MYO9B: variants seen among roughly 807,000 people sequenced by gnomAD.
The protein encoded by MYO9B is myosin IXB.
A neutral mutation model predicts 229.5 loss-of-function variants in MYO9B; 71 were observed. That is an observed-to-expected ratio of 0.31 (90% CI 0.26 to 0.38). The LOEUF (loss-of-function observed/expected upper bound fraction) is 0.38, where lower values mean the gene tolerates loss of function less well. Among genes scored for constraint, MYO9B ranks in the 10% least tolerant of loss-of-function variants. The pLI is 1.00. For missense variants in MYO9B, 2,255 were observed against 2,920.5 expected, an observed-to-expected ratio of 0.77 and a Z score of 5.25; for synonymous variants, 1,185 against 1,235.8, an observed-to-expected ratio of 0.96 and a Z score of 0.86.
Position 17,193,950 on chromosome 19 carries a change from A to C in MYO9B, c.3129-606A>C, listed in dbSNP as rs896170071. ...CACTTTGGGAGGCCAAGGCAGGCAG[A>C]TCACATGAGGCCAGGAGTTGGAGAC... On this transcript the variant is annotated intron_variant, in intron 21 of 39. Transcript: ENST00000682292. This position sits in a 1 kb window ranked among gnomAD's most constrained non-coding sequence, Gnocchi z 4.3. Among the ~76,000 whole-genome samples, 1 of 152,146 alleles carries C rather than the reference A, an allele frequency of 6.6e-6. No individual in the cohort carries two copies. Among genetic ancestry groups the C allele is most frequent in the Non-Finnish European group, 1.5e-5 (1 of 68,026 alleles).
At chr19:17,115,575 TCTC>T (rs1300172694) in intron 2 of MYO9B, among the ~76,000 whole-genome samples, 5 of 151,178 alleles carry the variant, frequency 3.3e-5, no homozygotes, top group East Asian at 1.9e-4. Flanking sequence ...TTCAAGCAAT[TCTC>T]CTGCTTCAGC....
At chr19:17,200,854 G>C in intron 26 of MYO9B, 25 bp downstream of exon 26, 1 of 1,608,160 alleles carries the variant, frequency 6.2e-7, no homozygotes, top group Middle Eastern at 1.7e-4. Flanking sequence ...CGAGGGCCAG[G>C]GGCATGAGGC....
At chr19:17,140,417 A>G (rs147310172) in intron 2 of MYO9B, among the ~76,000 whole-genome samples, 21 of 152,026 alleles carry the variant, frequency 1.4e-4, no homozygotes, top group African/African-American at 4.8e-4. Flanking sequence ...AATCCCATTC[A>G]TGAGGGCCCC....
At chr19:17,098,057 C>A (rs1007845688) in intron 1 of MYO9B, among the ~76,000 whole-genome samples, 7 of 92,402 alleles carry the variant, frequency 7.6e-5, no homozygotes, top group Non-Finnish European at 1.2e-4. Context: ...CCCCCCCCCC[C>A]ACCTTTTTTT....
At chr19:17,181,106 G>A (rs1389059325) in intron 15 of MYO9B, 66 bp downstream of exon 15, 38 of 1,155,300 alleles carry the variant, frequency 3.3e-5, no homozygotes, top group Admixed American at 4.2e-5. Context: ...CTGCGACCCC[G>A]GCGGGGCCTG....
chr19:17,118,129 A>C (rs1038259510), intron 2 of MYO9B, among the ~76,000 whole-genome samples: 1 of 151,924 alleles, frequency 6.6e-6, no homozygotes, highest in Non-Finnish European at 1.5e-5. Flanking sequence ...AGATGCTGCT[A>C]AACACCCCAC....
intron 20 of MYO9B, among the ~76,000 whole-genome samples, chr19:17,192,290 A>G (rs35695041): frequency 3.1e-4 from 23 of 73,612 alleles, no homozygotes; most frequent in Admixed American, 6.8e-4. Flanking sequence ...TCTCAAAAAA[A>G]AAAAAAAAAA....
At chr19:17,107,686 G>T (rs1189091151) in intron 2 of MYO9B, among the ~76,000 whole-genome samples, 2 of 152,206 alleles carry the variant, frequency 1.3e-5, no homozygotes, top group African/African-American at 4.8e-5. Flanking sequence ...CTGGCCTGTG[G>T]CCACGTCACA....
chr19:17,181,127 A>G, intron 15 of MYO9B, 87 bp downstream of exon 15: 1 of 898,204 alleles, frequency 1.1e-6, no homozygotes, highest in Non-Finnish European at 1.7e-6. Context: ...CAGTCTTCCT[A>G]ATTTGCATCG....
intron 14 of MYO9B, among the ~76,000 whole-genome samples, chr19:17,176,038 T>A (rs1287506892): frequency 6.6e-6 from 1 of 151,500 alleles, no homozygotes; most frequent in Non-Finnish European, 1.5e-5. Context: ...TTTGTTTGTT[T>A]GTTTGTTTTT....
chr19:17,075,903 A>C (rs2057476912), intron 1 of MYO9B, 29 bp downstream of exon 1: 1 of 150,676 alleles, frequency 6.6e-6, no homozygotes, highest in Admixed American at 6.6e-5. Context: ...CGGGTTGGCG[A>C]CTCGAGCTCG....
At chr19:17,090,118 C>CTTTTTTTTTCTTTTTTTTTTTTTTTTTTT (rs2057622892) in intron 1 of MYO9B, among the ~76,000 whole-genome samples, 1 of 49,176 alleles carries the variant, frequency 2.0e-5, no homozygotes, top group Admixed American at 3.2e-4. Flanking sequence ...TGCTTCCTTC[C>CTTTTTTTTTCTTTTTTTTTTTTTTTTTTT]TTTTTTTTTT....
chr19:17,142,677 C>T (rs1164957898), intron 2 of MYO9B, among the ~76,000 whole-genome samples: 2 of 152,124 alleles, frequency 1.3e-5, no homozygotes, highest in Non-Finnish European at 2.9e-5. Context: ...TTGAATGAGC[C>T]TGGCATGTAC....
intron 2 of MYO9B, among the ~76,000 whole-genome samples, chr19:17,137,032 C>A (rs1479399103): frequency 6.6e-6 from 1 of 152,132 alleles, no homozygotes; most frequent in Non-Finnish European, 1.5e-5. Context: ...AAGTTCAAGA[C>A]CAGCCTGACC....
chr19:17,126,078 C>T lies in MYO9B; in HGVS notation c.841-19319C>T, dbSNP rs117478701. ...TCCTTGTGCCTGGCTGGCATCATCCCCGACATGGCCCCCACTAACCTCCTC... is the reference window on the plus strand; with the variant it reads ...TCCTTGTGCCTGGCTGGCATCATCCTCGACATGGCCCCCACTAACCTCCTC... On this transcript the variant is annotated intron_variant, in intron 2 of 39. Transcript: ENST00000682292. Among the ~76,000 whole-genome samples, 162 of 152,302 alleles carry T rather than the reference C, an allele frequency of 1.1e-3. 2 individuals carry two copies. In the East Asian group the frequency reaches 0.023, roughly 22 times the overall value.
intron 13 of MYO9B, among the ~76,000 whole-genome samples, chr19:17,174,306 C>T (rs2072759019): frequency 6.6e-6 from 1 of 152,062 alleles, no homozygotes; most frequent in Non-Finnish European, 1.5e-5. Flanking sequence ...GCTGGGATTA[C>T]AGGCGTGAGC....
chr19:17,144,222 A>G, intron 2 of MYO9B, among the ~76,000 whole-genome samples: 1 of 152,134 alleles, frequency 6.6e-6, no homozygotes, highest in African/African-American at 2.4e-5. Context: ...TCTCAAAAAT[A>G]ATATTAAAAG....
In MYO9B at chr19:17,212,363, T is replaced by C. The variant is rs544897772; in HGVS notation, c.*53T>C. 7.1e-7 allele frequency: 1 copy of C among 1,409,760 alleles called. No individual in the cohort carries two copies. The highest frequency in any genetic ancestry group is 9.2e-7 in the Non-Finnish European group (1 of 1,082,434). 87.3% of individuals were successfully genotyped at this position (1,409,760 alleles called of 1,614,324 possible). On this transcript the variant is annotated 3_prime_UTR_variant, in exon 40 of 40. Transcript: ENST00000682292. This position sits in a 1 kb window ranked among gnomAD's most constrained non-coding sequence, Gnocchi z 5.4. ...CCGAGGACGGCCCCTGCACTGGAGC[T>C]GGGCGCCAGAGCTGCAGAGCTAGTG...
chr19:17,084,379 G>A (rs2057562290), intron 1 of MYO9B, among the ~76,000 whole-genome samples: 1 of 151,872 alleles, frequency 6.6e-6, no homozygotes, highest in Non-Finnish European at 1.5e-5. Flanking sequence ...GTGTATTCTG[G>A]TATTTAGTGT....
Sources: gnomAD v4.1 joint callset for allele counts (sites outside exome capture counted in the v4.1 genomes callset) on GRCh38, gnomAD v4.1.1 for gene constraint, Gnocchi (gnomAD v3.1) non-coding constraint, MANE v1.5 for transcripts, NCBI Gene and HGNC (gene_info 2026-07-23, HGNC 2026-07-21) for gene names.